The following SEMA6D variants were observed in gnomAD, a reference collection of about 807,000 sequenced individuals.
The protein encoded by SEMA6D is semaphorin 6D.
SEMA6D carries 35 observed loss-of-function variants against 106.6 expected under a neutral mutation model. The observed-to-expected ratio is 0.33, with a 90% CI of 0.25 to 0.44. The LOEUF is 0.44. Among genes scored for constraint, SEMA6D ranks in the 20% least tolerant of loss-of-function variants. The pLI, the probability that SEMA6D is intolerant of heterozygous loss-of-function variation, is 1.00. For synonymous variants in SEMA6D, 499 were observed against 487.7 expected (o/e 1.02, Z -0.31); for missense variants, 1,185 against 1,345.9 (o/e 0.88, Z 1.87).
Position 47,764,905 on chromosome 15 carries a change from G to A in SEMA6D, c.1276G>A (p.Val426Met). 3.7e-6 allele frequency: 6 copies of A among 1,613,764 alleles called. No individual in the cohort carries two copies. The highest frequency in any genetic ancestry group is 5.1e-6 in the Non-Finnish European group (6 of 1,179,828). Residue 426 changes from valine to methionine, a missense_variant, in exon 13 of 19, where the codon GTG becomes ATG. Around this residue, in one of 3 missense-constraint regions of SEMA6D, gnomAD observed 291 missense variants for 423.8 expected, o/e 0.69. Transcript: ENST00000536845. ...TAGGTACAGACTGACGGCCATCTCA[G>A]TGGACCATTCAGCCGGACCCTACCA... Reference protein sequence around the residue: ...RVRYRLTAISVDHSAGPYQNY... With the variant: ...RVRYRLTAISMDHSAGPYQNY...
intron 3 of SEMA6D, among the ~76,000 whole-genome samples, chr15:47,573,970 A>G (rs934870989): frequency 2.0e-5 from 3 of 152,202 alleles, no homozygotes; most frequent in Admixed American, 1.3e-4. Context: ...TCTGTGACAA[A>G]GCCAGTCTAC....
chr15:47,623,000 T>G (rs1183742839), intron 4 of SEMA6D, among the ~76,000 whole-genome samples: 1 of 151,460 alleles, frequency 6.6e-6, no homozygotes, highest in Non-Finnish European at 1.5e-5. Context: ...TAGAGAGAGC[T>G]CAACCAGTCC....
At chr15:47,324,758 ATATAG>A (rs2037058480) in intron 1 of SEMA6D, among the ~76,000 whole-genome samples, 2 of 151,544 alleles carry the variant, frequency 1.3e-5, no homozygotes, top group African/African-American at 4.8e-5. Context: ...GTGTGTATAT[ATATAG>A]TAATGTACGC....
intron 2 of SEMA6D, among the ~76,000 whole-genome samples, chr15:47,429,512 T>A (rs903354637): frequency 6.6e-6 from 1 of 152,100 alleles, no homozygotes; most frequent in Non-Finnish European, 1.5e-5. Flanking sequence ...TTGCAATATC[T>A]TTGAGCGTAT....
intron 2 of SEMA6D, among the ~76,000 whole-genome samples, chr15:47,441,840 C>T (rs752243786): frequency 2.6e-5 from 4 of 151,970 alleles, no homozygotes; most frequent in Non-Finnish European, 5.9e-5. Context: ...TTATTTGGGT[C>T]AGGATGGATG....
chr15:47,260,552 G>A (rs2034022322), intron 1 of SEMA6D, among the ~76,000 whole-genome samples: 1 of 152,140 alleles, frequency 6.6e-6, no homozygotes, highest in African/African-American at 2.4e-5. Context: ...GGGAAAAGAA[G>A]TCTCGAAGAG....
chr15:47,476,387 A>G (rs2043000882), intron 3 of SEMA6D, among the ~76,000 whole-genome samples: 1 of 152,088 alleles, frequency 6.6e-6, no homozygotes, highest in South Asian at 2.1e-4. Flanking sequence ...TAATTATTGT[A>G]CTCATTTTAT....
chr15:47,505,277 A>G (rs1345964188), intron 3 of SEMA6D, among the ~76,000 whole-genome samples: 1 of 152,158 alleles, frequency 6.6e-6, no homozygotes, highest in African/African-American at 2.4e-5. Flanking sequence ...GGCCTTCATC[A>G]GGTCTCCCAG....
chr15:47,370,483 G>A (rs1221838579), intron 1 of SEMA6D, among the ~76,000 whole-genome samples: 1 of 151,452 alleles, frequency 6.6e-6, no homozygotes, highest in East Asian at 2.0e-4. Flanking sequence ...CCACTGCACT[G>A]CAGCCTGGGT....
chr15:47,766,094 G>T lies in SEMA6D; in HGVS notation c.1569-11G>T, dbSNP rs1263505568. 1 of 1,613,524 alleles carries T rather than the reference G, an allele frequency of 6.2e-7. No homozygotes were observed. Among genetic ancestry groups the T allele is most frequent in the Non-Finnish European group, 8.5e-7 (1 of 1,179,670 alleles). On this transcript the variant is annotated splice_polypyrimidine_tract_variant and intron_variant, in intron 14 of 18. Coordinates refer to ENST00000536845, the MANE Select transcript of SEMA6D (RefSeq NM_001358351.3). ...GAAAATCCAAGTTACATTCTGTTTG[G>T]TTTTACACAGGTCTTGTATTGCATC...
chr15:47,751,512 TAC>T (rs1444194297), intron 1 of SEMA6D, among the ~76,000 whole-genome samples: 1 of 152,172 alleles, frequency 6.6e-6, no homozygotes, highest in Non-Finnish European at 1.5e-5. Context: ...TGTCATAGAC[TAC>T]AGAGTGAATG....
At chr15:47,199,896 C>T (rs758540092) in intron 1 of SEMA6D, among the ~76,000 whole-genome samples, 2 of 152,010 alleles carry the variant, frequency 1.3e-5, no homozygotes, top group African/African-American at 2.4e-5. Flanking sequence ...TAGTTACATA[C>T]GTTATTTCAT....
chr15:47,267,441 C>T (rs1054809875), intron 1 of SEMA6D, among the ~76,000 whole-genome samples: 7 of 151,668 alleles, frequency 4.6e-5, no homozygotes, highest in Middle Eastern at 6.9e-3. Flanking sequence ...TATGTTATGT[C>T]TTTTCAAGCT....
chr15:47,726,475 C>T (rs527495092), intron 1 of SEMA6D, among the ~76,000 whole-genome samples: 1 of 152,344 alleles, frequency 6.6e-6, no homozygotes, highest in South Asian at 2.1e-4. Flanking sequence ...TAGGGTCAAA[C>T]AGCTAGTGAC....
At chr15:47,392,114 G>C (rs7496038) in intron 1 of SEMA6D, among the ~76,000 whole-genome samples, 1 of 152,004 alleles carries the variant, frequency 6.6e-6, no homozygotes, top group African/African-American at 2.4e-5. Context: ...CCAACCACTC[G>C]TTCACAACTG....
At chr15:47,502,571 C>T (rs778462574) in intron 3 of SEMA6D, among the ~76,000 whole-genome samples, 26 of 152,160 alleles carry the variant, frequency 1.7e-4, no homozygotes, top group Non-Finnish European at 2.5e-4. Flanking sequence ...AAAGGCTATA[C>T]GGTAATTGGT....
rs1045988999 is a variant in SEMA6D at position 47,759,995 on chromosome 15, C to A, written c.109+88C>A. The A allele has an allele frequency of 8.9e-6, 9 of 1,011,968 alleles. No homozygotes were observed. The African/African-American group carries it at 1.3e-4, about 14-fold the overall frequency. The allele number at this position is 1,011,968 out of a possible 1,614,324, so 62.7% of individuals were successfully genotyped here. On this transcript the variant is annotated intron_variant, in intron 2 of 18. Transcript: ENST00000536845. ...AAGCATGTTCATTTTCAGAAAGAGG[C>A]AGAGATTTTTTATGTCTTAACCTTG... is the stretch of plus-strand genomic sequence containing the variant.
intron 3 of SEMA6D, among the ~76,000 whole-genome samples, chr15:47,599,856 A>G: frequency 6.6e-6 from 1 of 152,096 alleles, no homozygotes; most frequent in East Asian, 1.9e-4. Context: ...AAAGAATCCT[A>G]ACCTTTTGAT....
At chr15:47,755,993 G>A (rs1201628818) in intron 1 of SEMA6D, among the ~76,000 whole-genome samples, 3 of 151,910 alleles carry the variant, frequency 2.0e-5, no homozygotes, top group African/African-American at 7.3e-5. Flanking sequence ...CTCACGCCCT[G>A]GTTGTTCTGG....
Sources: allele counts gnomAD v4.1 joint callset (sites outside exome capture counted in the v4.1 genomes callset), GRCh38; gene constraint gnomAD v4.1.1; regional missense constraint gnomAD v4.1.1; transcripts MANE v1.5; gene names NCBI Gene and HGNC (gene_info 2026-07-23, HGNC 2026-07-21).